The following NUF2 variants were observed in gnomAD, a reference collection of about 807,000 sequenced individuals.
NUF2 encodes the protein kinetochore protein Nuf2.
Under a neutral mutation model 61.8 loss-of-function variants are expected in NUF2, and 34 were observed. The observed-to-expected ratio is 0.55, with a 90% CI of 0.42 to 0.73. NUF2 has a LOEUF of 0.73. NUF2 is among the 30% of genes least tolerant of loss of function. The pLI is 0.00. For synonymous variants in NUF2, 172 were observed against 181.6 expected (o/e 0.95, Z 0.42); for missense variants, 445 against 539.1 (o/e 0.83, Z 1.73).
intron 10 of NUF2, among the ~76,000 whole-genome samples, chr1:163,344,766 A>G (rs1010022935): frequency 2.6e-5 from 4 of 151,836 alleles, no homozygotes; most frequent in African/African-American, 7.3e-5. Flanking sequence ...AGATTACCAC[A>G]CTAGACTAGA....
Position 163,355,331 on chromosome 1 carries a change from T to C in NUF2, c.1261-4T>C, listed in dbSNP as rs764318324. 3.8e-6 allele frequency: 6 copies of C among 1,593,228 alleles called. No individual in the cohort carries two copies. Among genetic ancestry groups the C allele is most frequent in the Non-Finnish European group, 5.1e-6 (6 of 1,170,304 alleles). On this transcript the variant is annotated splice_polypyrimidine_tract_variant and splice_region_variant and intron_variant, in intron 13 of 13. Transcript: ENST00000271452. ...ATTATTATTCTGTTTCATTTTCTACTTAGGAAATATTTCTAAACTTGAAAA... is the reference window on the plus strand; with the variant it reads ...ATTATTATTCTGTTTCATTTTCTACCTAGGAAATATTTCTAAACTTGAAAA...
At chr1:163,342,164 T>C (rs1460958747) in intron 9 of NUF2, among the ~76,000 whole-genome samples, 1 of 152,188 alleles carries the variant, frequency 6.6e-6, no homozygotes, top group Non-Finnish European at 1.5e-5. Context: ...AGTTTCCTTA[T>C]TGTTTTAAAA....
intron 13 of NUF2, among the ~76,000 whole-genome samples, chr1:163,354,560 T>A (rs1017484638): frequency 6.6e-6 from 1 of 152,124 alleles, no homozygotes; most frequent in Non-Finnish European, 1.5e-5. Flanking sequence ...GGAGAGACAC[T>A]TAAAATTGAG....
chr1:163,347,052 A>G (rs1651158743), intron 11 of NUF2, among the ~76,000 whole-genome samples: 1 of 152,218 alleles, frequency 6.6e-6, no homozygotes, highest in Non-Finnish European at 1.5e-5. Flanking sequence ...AACTACTGTC[A>G]TGGGATTTTA....
chr1:163,343,172 T>G (rs933675841), intron 9 of NUF2, among the ~76,000 whole-genome samples: 2 of 152,224 alleles, frequency 1.3e-5, no homozygotes, highest in Non-Finnish European at 2.9e-5. Context: ...AGTGAGCACC[T>G]TCTCAGTGCT....
At chr1:163,345,933 A>G (rs981112045) in intron 11 of NUF2, 115 bp downstream of exon 11, 3 of 665,458 alleles carry the variant, frequency 4.5e-6, no homozygotes, top group Admixed American at 3.2e-5. Flanking sequence ...GTCATTCTAC[A>G]GTATAATAGA....
intron 9 of NUF2, among the ~76,000 whole-genome samples, chr1:163,343,273 A>T (rs1298021083): frequency 1.3e-5 from 2 of 152,170 alleles, no homozygotes; most frequent in African/African-American, 4.8e-5. Flanking sequence ...GTACATAATT[A>T]TAGTGTTGCA....
At chr1:163,346,173 T>A (rs566076203) in intron 11 of NUF2, 1 of 153,120 alleles carries the variant, frequency 6.5e-6, no homozygotes, top group Non-Finnish European at 1.5e-5. Context: ...ATATATATGT[T>A]TTTTCCTTTA....
At chr1:163,351,926 C>A (rs1651335001) in intron 13 of NUF2, among the ~76,000 whole-genome samples, 1 of 152,044 alleles carries the variant, frequency 6.6e-6, no homozygotes, top group Admixed American at 6.5e-5. Context: ...CAATTATTAT[C>A]TTCATTTGGA....
In NUF2 at chr1:163,347,900, G is replaced by A. The variant is rs147464307; in HGVS notation, c.1086G>A (p.Lys362=). 4.9e-4 allele frequency: 793 copies of A among 1,605,924 alleles called. No individual in the cohort carries two copies. Among genetic ancestry groups the A allele is most frequent in the Non-Finnish European group, 6.1e-4 (722 of 1,177,334 alleles). ...CAGCACAATTCAAAATAAATAAGAAGCATGAAGATGTTAAGCAATACAAAC... is the reference window on the plus strand; with the variant it reads ...CAGCACAATTCAAAATAAATAAGAAACATGAAGATGTTAAGCAATACAAAC... ...LATAQFKINK[K]HEDVKQYKRT... is the part of the protein sequence containing the mutation. Residue 362 remains lysine (K), a synonymous_variant, in exon 12 of 14, where the codon AAG becomes AAA. Coordinates refer to ENST00000271452, the MANE Select transcript of NUF2 (RefSeq NM_145697.3).
At position 163,327,532 on chromosome 1, in the gene NUF2, A is replaced by T. The variant is rs16852612; in HGVS notation, c.168A>T (p.Val56=). 7 of 1,611,600 alleles carry T rather than the reference A, an allele frequency of 4.3e-6. No individual in the cohort carries two copies. The highest frequency in any genetic ancestry group is 5.9e-6 in the Non-Finnish European group (7 of 1,178,018). Residue 56 remains valine, a synonymous_variant, in exon 3 of 14, where the codon GTA becomes GTT. Transcript: ENST00000271452. ...TCTACATGAGAGCCTTACAAATAGT[A>T]TATGGAATTCGACTGGAACATTTTT... The part of the protein sequence containing the change: ...HMIYMRALQI[V]YGIRLEHFYM...
At chr1:163,322,972 G>A (rs1650286552) in intron 1 of NUF2, 1 of 152,208 alleles carries the variant, frequency 6.6e-6, no homozygotes. Context: ...ATTGGAGGAG[G>A]TTCCAAAAGG....
At chr1:163,328,672 A>G in intron 4 of NUF2, 174 bp from the exon 5 acceptor site, 1 of 527,382 alleles carries the variant, frequency 1.9e-6, no homozygotes, top group Non-Finnish European at 3.3e-6. Context: ...TATACAGAAA[A>G]AATAGATTTC....
intron 2 of NUF2, 48 bp downstream of exon 2, chr1:163,326,222 A>G: frequency 6.3e-7 from 1 of 1,591,826 alleles, no homozygotes; most frequent in Non-Finnish European, 8.6e-7. Flanking sequence ...TTAGGGAAAA[A>G]GTAAGCTACT....
chr1:163,337,013 T>G (rs1173540236), intron 6 of NUF2, among the ~76,000 whole-genome samples, 165 bp downstream of exon 6: 5 of 152,150 alleles, frequency 3.3e-5, no homozygotes, highest in Non-Finnish European at 7.4e-5. Flanking sequence ...AGTTACTGGA[T>G]AGCATATCTC....
chr1:163,345,700 A>G lies in NUF2; in HGVS notation c.830A>G (p.Glu277Gly), dbSNP rs1651101216. The change falls in exon 11 of 14, where the codon GAA becomes GGA. Residue 277 changes from glutamate (E) to glycine (G), a missense_variant. By Grantham distance (98) the Glu-to-Gly change is moderately conservative. Transcript: ENST00000271452. ...NARQEVVEKY[E>G]IYGDSVDCLP... ...AAGCAAGAAGTGGTGGAGAAATATG[A>G]AATCTATGGAGACTCAGTTGACTGC... 1 of 1,611,198 alleles carries G rather than the reference A, an allele frequency of 6.2e-7. No individual in the cohort carries two copies. The highest frequency in any genetic ancestry group is 1.1e-5 in the South Asian group (1 of 90,194).
At chr1:163,345,049 A>G (rs758632209) in intron 10 of NUF2, among the ~76,000 whole-genome samples, 4 of 152,216 alleles carry the variant, frequency 2.6e-5, no homozygotes, top group Non-Finnish European at 5.9e-5. Flanking sequence ...CAGAAAATCT[A>G]TAGAGAAAAG....
intron 1 of NUF2, among the ~76,000 whole-genome samples, chr1:163,323,548 A>G (rs770519199): frequency 6.6e-6 from 1 of 152,024 alleles, no homozygotes; most frequent in Non-Finnish European, 1.5e-5. Context: ...GTGAGACCCT[A>G]TCTCCACACA....
chr1:163,341,050 G>A, intron 9 of NUF2, among the ~76,000 whole-genome samples: 1 of 152,014 alleles, frequency 6.6e-6, no homozygotes, highest in East Asian at 1.9e-4. Context: ...GACCAATGCA[G>A]CCAAGCTGAT....
Sources: allele counts gnomAD v4.1 joint callset (sites outside exome capture counted in the v4.1 genomes callset), GRCh38; gene constraint gnomAD v4.1.1; transcripts MANE v1.5; gene names NCBI Gene and HGNC (gene_info 2026-07-23, HGNC 2026-07-21).